The following ACOT1 variants were observed in gnomAD, a reference collection of about 807,000 sequenced individuals.
ACOT1 encodes the protein acyl-CoA thioesterase 1.
A neutral mutation model predicts 15.7 loss-of-function variants in ACOT1; 8 were observed. The ratio of observed to expected loss-of-function variants is 0.51; its 90% CI spans 0.30 to 0.92. The LOEUF (loss-of-function observed/expected upper bound fraction) is 0.92. ACOT1 is among the 40% of genes least tolerant of loss of function. The probability of loss-of-function intolerance (pLI) is 0.06; values close to 1 mark genes in which losing one functional copy is unlikely to be tolerated. For missense variants in ACOT1, 151 were observed against 539.4 expected, an observed-to-expected ratio of 0.28 and a Z score of 7.13; for synonymous variants, 67 against 241.2, an observed-to-expected ratio of 0.28 and a Z score of 6.69.
chr14:73,527,130 G>A, the ACOT1 span: 1 of 152,162 alleles, frequency 6.6e-6, no homozygotes, highest in African/African-American at 2.4e-5. Flanking sequence ...GTAGGCTTAA[G>A]TCACAGCACT....
the ACOT1 span, chr14:73,499,123 C>T: frequency 1.2e-6 from 2 of 1,614,156 alleles, no homozygotes; most frequent in East Asian, 2.2e-5. Flanking sequence ...GCATCAGGTT[C>T]AGGAGGCATT....
chr14:73,522,191 C>T, the ACOT1 span: 7 of 1,412,894 alleles, frequency 5.0e-6, no homozygotes, highest in African/African-American at 2.9e-5. Flanking sequence ...ATTCTGAAAT[C>T]GGGAGTGTGA....
At chr14:73,496,876 T>C in the ACOT1 span, among the ~76,000 whole-genome samples, 2 of 152,216 alleles carry the variant, frequency 1.3e-5, no homozygotes, top group East Asian at 3.9e-4. Flanking sequence ...GACAATATAT[T>C]TGTGGGTTTT....
the ACOT1 span, chr14:73,495,241 T>C: frequency 1.9e-6 from 3 of 1,613,392 alleles, no homozygotes; most frequent in Non-Finnish European, 1.7e-6. Context: ...GAAAAGTTTC[T>C]TGGAGTAAAG....
At position 73,537,343 on chromosome 14, in the gene ACOT1, C is replaced by A; in HGVS notation, c.-79C>A. 1 of 1,157,278 alleles carries A rather than the reference C, an allele frequency of 8.6e-7. No homozygotes were observed. Among genetic ancestry groups the A allele is most frequent in the South Asian group, 1.5e-5 (1 of 67,682 alleles). The allele number at this position is 1,157,278 out of a possible 1,614,324, so 71.7% of individuals were successfully genotyped here. On this transcript the variant is annotated 5_prime_UTR_variant, in exon 1 of 3. Coordinates refer to ENST00000311148, the MANE Select transcript of ACOT1 (RefSeq NM_001037161.2). Reference sequence around the variant, plus strand: ...GGGCGTTTAGCCTGCGACGGCAGCCCGAGAGGAAGAGTTGGGCAGAGTTGC... The same window carrying A: ...GGGCGTTTAGCCTGCGACGGCAGCCAGAGAGGAAGAGTTGGGCAGAGTTGC...
chr14:73,537,250 A>G lies in ACOT1; in HGVS notation c.-172A>G. On this transcript the variant is annotated 5_prime_UTR_variant, in exon 1 of 3. In the 5' UTR this introduces an upstream ATG that the reference lacks. Coordinates refer to ENST00000311148, the MANE Select transcript of ACOT1 (RefSeq NM_001037161.2). ...TTTAAGCAAGTTCCAGTGTGTCTAT[A>G]TTTGGTCTGGCTGATCGGCTGGACT... is the stretch of plus-strand genomic sequence containing the variant. The G allele has an allele frequency of 1.8e-6, 1 of 546,172 alleles. No homozygotes were observed. Among genetic ancestry groups the G allele is most frequent in the Non-Finnish European group, 2.8e-6 (1 of 354,588 alleles). The allele number at this position is 546,172 out of a possible 1,614,324, so 33.8% of individuals were successfully genotyped here.
the ACOT1 span, among the ~76,000 whole-genome samples, chr14:73,511,527 A>AT: frequency 3.6e-3 from 361 of 100,974 alleles, 4 homozygotes; most frequent in Non-Finnish European, 6.1e-3. Context: ...TCAAAAATAA[A>AT]TAAATAAATA....
the ACOT1 span, chr14:73,496,682 G>A: frequency 6.7e-7 from 1 of 1,485,190 alleles, no homozygotes; most frequent in Non-Finnish European, 9.4e-7. Flanking sequence ...ACATTTCTCT[G>A]AAAGATAAGA....
the ACOT1 span, among the ~76,000 whole-genome samples, chr14:73,512,373 C>T: frequency 2.0e-5 from 3 of 152,200 alleles, no homozygotes; most frequent in Admixed American, 6.5e-5. Flanking sequence ...CCAACCCCAT[C>T]GTATCTATCT....
upstream of ACOT1, among the ~76,000 whole-genome samples, chr14:73,535,668 A>C: frequency 9.2e-6 from 1 of 108,696 alleles, no homozygotes; most frequent in Non-Finnish European, 2.0e-5. Flanking sequence ...TTTAGTAGAG[A>C]CGGAGTTTCA....
chr14:73,529,354 CAAAAAAA>C, the ACOT1 span, among the ~76,000 whole-genome samples: 38 of 87,424 alleles, frequency 4.3e-4, no homozygotes, highest in African/African-American at 1.7e-3. Context: ...GACTCTGTCT[CAAAAAAA>C]AAAAAAAAAA....
Position 73,537,786 on chromosome 14 carries a change from G to A in ACOT1, c.365G>A (p.Arg122Gln), listed in dbSNP as rs1350229110. The change falls in exon 1 of 3, where the codon CGG becomes CAG. Residue 122 changes from arginine to glutamine, a missense_variant. Coordinates refer to ENST00000311148, the MANE Select transcript of ACOT1 (RefSeq NM_001037161.2). Reference protein sequence around the residue: ...HDPDPGRLLCRVRHERYFLPP... With the variant: ...HDPDPGRLLCQVRHERYFLPP... ...CCCGACCCCGGGCGGCTGCTGTGCC[G>A]GGTGCGGCACGAGCGCTACTTCCTC... 2.4e-5 allele frequency: 29 copies of A among 1,228,816 alleles called. 8 individuals are homozygous for A. The highest frequency in any genetic ancestry group is 5.4e-4 in the Middle Eastern group (2 of 3,682). The allele number at this position is 1,228,816 out of a possible 1,614,324, so 76.1% of individuals were successfully genotyped here. A position where few individuals can be genotyped will look rare whatever the true frequency, so the allele number is the denominator to read the frequency against.
At chr14:73,532,214 A>G (rs560298359), upstream of ACOT1, among the ~76,000 whole-genome samples, 1 of 114,576 alleles carries the variant, frequency 8.7e-6, no homozygotes, top group Non-Finnish European at 1.9e-5. Flanking sequence ...TGACTTTTCC[A>G]TTCCCCTTTC....
chr14:73,517,894 C>G, the ACOT1 span, among the ~76,000 whole-genome samples: 1 of 152,002 alleles, frequency 6.6e-6, no homozygotes, highest in Non-Finnish European at 1.5e-5. Context: ...CAAGACCATC[C>G]TGGCCAACAT....
At position 73,540,932 on chromosome 14, in the gene ACOT1, G is replaced by A. The variant is rs1484531303; in HGVS notation, c.458-561G>A. Among the ~76,000 whole-genome samples, 3 of 114,804 alleles carry A rather than the reference G, an allele frequency of 2.6e-5. 1 individual carries two copies. Among genetic ancestry groups the A allele is most frequent in the Non-Finnish European group, 5.7e-5 (3 of 53,014 alleles). The allele number at this position is 114,804 out of a possible 152,430, so 75.3% of individuals were successfully genotyped here. On this transcript the variant is annotated intron_variant, in intron 1 of 2. Transcript: ENST00000311148. ...AATTTTTGTATTTTTAGTACAGATG[G>A]GGTTTCACCATGTTGGCCAGGCTGG...
the ACOT1 span, among the ~76,000 whole-genome samples, chr14:73,519,633 G>T: frequency 2.6e-5 from 4 of 152,206 alleles, no homozygotes; most frequent in African/African-American, 9.7e-5. Context: ...TGAGGCAGGA[G>T]AATCAGTTGA....
At chr14:73,496,656 A>G in the ACOT1 span, 6 of 1,590,228 alleles carry the variant, frequency 3.8e-6, no homozygotes, top group East Asian at 4.5e-5. Flanking sequence ...TAAGTTGAGT[A>G]TCTTCATTGT....
the ACOT1 span, among the ~76,000 whole-genome samples, chr14:73,514,526 C>A: frequency 6.6e-6 from 1 of 152,056 alleles, no homozygotes; most frequent in African/African-American, 2.4e-5. Context: ...TCTTTAGGAA[C>A]CTAAATCTTT....
the ACOT1 span, chr14:73,499,127 A>G: frequency 5.6e-6 from 9 of 1,614,136 alleles, no homozygotes; most frequent in East Asian, 2.0e-4. Flanking sequence ...CAGGTTCAGG[A>G]GGCATTCAAG....
Sources: allele counts gnomAD v4.1 joint callset (sites outside exome capture counted in the v4.1 genomes callset), GRCh38; gene constraint gnomAD v4.1.1; transcripts MANE v1.5; gene names NCBI Gene and HGNC (gene_info 2026-07-23, HGNC 2026-07-21).